Variants in GRIA4 observed in about 807,000 individuals in gnomAD.
GRIA4 encodes glutamate receptor 4.
GRIA4 carries 34 observed loss-of-function variants against 104.0 expected under a neutral mutation model. The observed-to-expected ratio is 0.33, with a 90% CI of 0.25 to 0.44. The LOEUF is 0.44. GRIA4 is among the 20% of genes least tolerant of loss of function. The pLI is 1.00. For missense variants in GRIA4, 750 were observed against 1,096.5 expected (o/e 0.68, Z 4.46); for synonymous variants, 386 against 381.9 (o/e 1.01, Z -0.13).
chr11:105,783,635 A>G (rs1173997462), intron 4 of GRIA4, among the ~76,000 whole-genome samples: 2 of 152,256 alleles, frequency 1.3e-5, no homozygotes, highest in East Asian at 3.9e-4. Flanking sequence ...TTCAAAATAC[A>G]TTGGATATTT....
Position 105,926,725 on chromosome 11 carries a change from T to C in GRIA4, c.1848-16T>C. 1.3e-6 allele frequency: 2 copies of C among 1,531,584 alleles called. No individual in the cohort carries two copies. The highest frequency in any genetic ancestry group is 1.8e-6 in the Non-Finnish European group (2 of 1,105,338). The allele number at this position is 1,531,584 out of a possible 1,614,324, so 94.9% of individuals were successfully genotyped here. ...GTTAAAGAAAGGAAAATGTGCATTATTTTATCCATGTTTAGATCCCTCTCA... is the reference window on the plus strand; with the variant it reads ...GTTAAAGAAAGGAAAATGTGCATTACTTTATCCATGTTTAGATCCCTCTCA... On this transcript the variant is annotated splice_polypyrimidine_tract_variant and intron_variant, in intron 12 of 16. Transcript: ENST00000282499.
At chr11:105,787,681 T>G (rs200515804) in intron 4 of GRIA4, among the ~76,000 whole-genome samples, 2 of 151,978 alleles carry the variant, frequency 1.3e-5, no homozygotes, top group African/African-American at 2.4e-5. Flanking sequence ...TTCACCATGT[T>G]GCCAGGCTGG....
chr11:105,948,115 T>G (rs375945767), intron 14 of GRIA4, among the ~76,000 whole-genome samples: 1 of 152,306 alleles, frequency 6.6e-6, no homozygotes, highest in African/African-American at 2.4e-5. Flanking sequence ...GCACTCTTAG[T>G]TTGTAATCCC....
intron 4 of GRIA4, among the ~76,000 whole-genome samples, chr11:105,828,607 G>C (rs1943860224): frequency 6.6e-6 from 1 of 151,334 alleles, no homozygotes; most frequent in South Asian, 2.1e-4. Context: ...CATTTTGCCA[G>C]TCAGGAGACT....
chr11:105,750,695 T>C (rs1269044561), intron 3 of GRIA4, among the ~76,000 whole-genome samples: 2 of 152,180 alleles, frequency 1.3e-5, no homozygotes, highest in African/African-American at 2.4e-5. Context: ...AGATGGACTT[T>C]ATGTATAGTA....
At chr11:105,947,644 T>C (rs368783868) in intron 14 of GRIA4, among the ~76,000 whole-genome samples, 6 of 152,180 alleles carry the variant, frequency 3.9e-5, no homozygotes, top group East Asian at 1.9e-4. Flanking sequence ...ATTTATTAAG[T>C]ATATTTAAAA....
intron 4 of GRIA4, among the ~76,000 whole-genome samples, chr11:105,851,522 C>A (rs1437960310): frequency 6.6e-6 from 1 of 152,130 alleles, no homozygotes; most frequent in Non-Finnish European, 1.5e-5. Flanking sequence ...AAGACAACAA[C>A]CCCACATGGA....
chr11:105,664,269 G>GA (rs758211694), intron 3 of GRIA4, among the ~76,000 whole-genome samples: 2 of 150,268 alleles, frequency 1.3e-5, no homozygotes, highest in South Asian at 4.2e-4. Context: ...GTGGAGGTCA[G>GA]AAAAAAGAAG....
intron 4 of GRIA4, among the ~76,000 whole-genome samples, chr11:105,803,861 A>AAGAG (rs1206118933): frequency 6.8e-5 from 10 of 147,052 alleles, no homozygotes; most frequent in African/African-American, 1.5e-4. Flanking sequence ...AAAAAAAAAA[A>AAGAG]AGAGAGAGAG....
chr11:105,617,434 A>G (rs1196931751), intron 3 of GRIA4, among the ~76,000 whole-genome samples: 1 of 151,906 alleles, frequency 6.6e-6, no homozygotes, highest in African/African-American at 2.4e-5. Context: ...CCAGAGCTTG[A>G]ACTAATTCTT....
intron 4 of GRIA4, among the ~76,000 whole-genome samples, chr11:105,827,973 G>A (rs1424551065): frequency 6.6e-6 from 1 of 151,992 alleles, no homozygotes; most frequent in Admixed American, 6.6e-5. Context: ...CATGTGGCAA[G>A]CACTTTTTAT....
intron 3 of GRIA4, among the ~76,000 whole-genome samples, chr11:105,720,121 T>A (rs1017877514): frequency 1.3e-4 from 19 of 151,772 alleles, no homozygotes; most frequent in African/African-American, 4.6e-4. Flanking sequence ...AACCAGTATT[T>A]TTTTTTTTTA....
intron 16 of GRIA4, among the ~76,000 whole-genome samples, chr11:105,977,358 G>A (rs1403925747): frequency 6.6e-6 from 1 of 151,868 alleles, no homozygotes; most frequent in African/African-American, 2.4e-5. Flanking sequence ...TGAGTGGTTT[G>A]GAGACTCTGA....
At chr11:105,973,292 T>C (rs1311795757) in intron 15 of GRIA4, among the ~76,000 whole-genome samples, 2 of 152,180 alleles carry the variant, frequency 1.3e-5, no homozygotes, top group Admixed American at 1.3e-4. Flanking sequence ...AGATAATGAC[T>C]ACAGGGCATC....
At chr11:105,708,036 T>A (rs1004857137) in intron 3 of GRIA4, 4 of 152,168 alleles carry the variant, frequency 2.6e-5, no homozygotes, top group Admixed American at 2.6e-4. Flanking sequence ...AGAAAATGAT[T>A]GAAGAAATGG....
intron 6 of GRIA4, among the ~76,000 whole-genome samples, chr11:105,893,353 T>C (rs1053497048): frequency 6.6e-6 from 1 of 152,130 alleles, no homozygotes; most frequent in Admixed American, 6.6e-5. Flanking sequence ...GAAAACTGCT[T>C]CACTGTCTAG....
intron 3 of GRIA4, among the ~76,000 whole-genome samples, chr11:105,692,783 T>G (rs1471220829): frequency 6.6e-6 from 1 of 152,218 alleles, no homozygotes; most frequent in African/African-American, 2.4e-5. Context: ...AATTTTTTAT[T>G]TATGAAGTAA....
At chr11:105,841,357 G>A (rs778978405) in intron 4 of GRIA4, among the ~76,000 whole-genome samples, 11 of 151,942 alleles carry the variant, frequency 7.2e-5, no homozygotes, top group African/African-American at 1.2e-4. Flanking sequence ...AGACACAAGC[G>A]CTGTTCTTTG....
rs201666477 is a variant in GRIA4, at chr11:105,873,214, G to C, written c.672+11006G>C. Among the ~76,000 whole-genome samples, 43 of 152,174 alleles carry C rather than the reference G, an allele frequency of 2.8e-4. No homozygotes were observed. The East Asian group carries it at 6.4e-3, about 23-fold the overall frequency. On this transcript the variant is annotated intron_variant, in intron 5 of 16. Transcript: ENST00000282499. ...CCTGTGTTAGTTTGCTGAGAATGATGGTTTCCAGCTTCATCCATGTTCCTG... is the reference window on the plus strand; with the variant it reads ...CCTGTGTTAGTTTGCTGAGAATGATCGTTTCCAGCTTCATCCATGTTCCTG...
Sources: gnomAD v4.1 joint callset for allele counts (sites outside exome capture counted in the v4.1 genomes callset) on GRCh38, gnomAD v4.1.1 for gene constraint, MANE v1.5 for transcripts, NCBI Gene and HGNC (gene_info 2026-07-23, HGNC 2026-07-21) for gene names.